NINJ2: variants seen among roughly 807,000 people sequenced by gnomAD.
NINJ2 encodes ninjurin 2, also known as ninjurin-2.
Under a neutral mutation model 11.7 loss-of-function variants are expected in NINJ2, and 12 were observed. The observed-to-expected ratio is 1.02, with a 90% CI of 0.66 to 1.66. NINJ2 has a LOEUF of 1.66. Ranked by LOEUF, NINJ2 falls within the 40% of genes most tolerant of loss-of-function variation. The pLI, the probability that NINJ2 is intolerant of heterozygous loss-of-function variation, is 0.00. For missense variants in NINJ2, 187 were observed against 181.8 expected (o/e 1.03, Z -0.16); for synonymous variants, 93 against 76.8 (o/e 1.21, Z -1.10).
intron 1 of NINJ2, among the ~76,000 whole-genome samples, chr12:603,494 C>T (rs1030550656): frequency 5.9e-5 from 9 of 152,150 alleles, no homozygotes; most frequent in South Asian, 2.1e-4. Context: ...TCCTGCATGA[C>T]GGTTTACTTA....
intron 1 of NINJ2, among the ~76,000 whole-genome samples, chr12:593,270 C>G (rs950467892): frequency 6.6e-6 from 1 of 152,120 alleles, no homozygotes; most frequent in African/African-American, 2.4e-5. Context: ...AATAAGAAGG[C>G]AAGAATTTCC....
chr12:571,430 T>C (rs1470665029), intron 1 of NINJ2, among the ~76,000 whole-genome samples: 2 of 149,764 alleles, frequency 1.3e-5, no homozygotes, highest in Non-Finnish European at 1.5e-5. Context: ...GTTTGGTGAT[T>C]GGCATGGGAT....
At chr12:568,359 C>T (rs1248041888) in intron 1 of NINJ2, among the ~76,000 whole-genome samples, 1 of 152,194 alleles carries the variant, frequency 6.6e-6, no homozygotes, top group Non-Finnish European at 1.5e-5. Context: ...CTTCCCCAGT[C>T]CTTCTCCTAA....
At chr12:603,982 G>A (rs1247929545) in intron 1 of NINJ2, among the ~76,000 whole-genome samples, 1 of 152,136 alleles carries the variant, frequency 6.6e-6, no homozygotes, top group African/African-American at 2.4e-5. Context: ...TCTTTCCCCC[G>A]CTGAGTCGTC....
intron 1 of NINJ2, among the ~76,000 whole-genome samples, chr12:659,340 G>A (rs891980600): frequency 6.6e-6 from 1 of 152,130 alleles, no homozygotes; most frequent in Non-Finnish European, 1.5e-5. Context: ...CCAATAACTG[G>A]ATCTGCCTGG....
intron 1 of NINJ2, among the ~76,000 whole-genome samples, chr12:660,973 A>G (rs2120553374): frequency 6.6e-6 from 1 of 152,336 alleles, no homozygotes; most frequent in African/African-American, 2.4e-5. Context: ...AAAAAACTGT[A>G]AAAATAAACA....
chr12:565,974 T>A lies in NINJ2; in HGVS notation c.238A>T (p.Ile80Phe), dbSNP rs752337352. The A allele has an allele frequency of 1.9e-6, 3 of 1,614,222 alleles. No homozygotes were observed. In the Admixed American group the frequency reaches 5.0e-5, roughly 27 times the overall value. The change falls in exon 2 of 4, where the codon ATC becomes TTC. Residue 80 changes from isoleucine to phenylalanine, a missense_variant. Ile to Phe is a conservative substitution (Grantham distance 21). Transcript: ENST00000305108. The part of the protein sequence containing the change: ...ISLSLLLQVV[I>F]GVLLVVIARL... ...CCAATGACCACGAGCAGGACACCGATGACCACCTGCAGGAGCAGAGAGAGG... is the reference window on the plus strand; with the variant it reads ...CCAATGACCACGAGCAGGACACCGAAGACCACCTGCAGGAGCAGAGAGAGG...
At chr12:607,428 T>G (rs1489133290) in intron 1 of NINJ2, among the ~76,000 whole-genome samples, 1 of 152,190 alleles carries the variant, frequency 6.6e-6, no homozygotes, top group Non-Finnish European at 1.5e-5. Flanking sequence ...AAAGAGTTCC[T>G]GGGACCATGG....
chr12:654,594 C>A (rs1314920288), intron 1 of NINJ2, among the ~76,000 whole-genome samples: 1 of 149,912 alleles, frequency 6.7e-6, no homozygotes, highest in Non-Finnish European at 1.5e-5. Flanking sequence ...ACTGGTTCAA[C>A]ATTTGAAAAT....
At chr12:646,414 G>A (rs899082840) in intron 1 of NINJ2, among the ~76,000 whole-genome samples, 1 of 152,168 alleles carries the variant, frequency 6.6e-6, no homozygotes, top group Non-Finnish European at 1.5e-5. Flanking sequence ...CATTTACAGA[G>A]ACTCCTTTGC....
rs569705759 is a variant in NINJ2 at position 633,961 on chromosome 12, A to G, written c.33+29367T>C. ...CACACACACCGTCTGATCTGGTCAG[A>G]AAGGCCTTTGCACTGTCCCAGATAG... On this transcript the variant is annotated intron_variant, in intron 1 of 3. Coordinates refer to ENST00000305108, the MANE Select transcript of NINJ2 (RefSeq NM_016533.6). The surrounding 1 kb of genome is among the most constrained non-coding windows in gnomAD (Gnocchi z 4.3). 1.3e-5 allele frequency among the ~76,000 whole-genome samples: 2 copies of G among 152,124 alleles called. No individual in the cohort carries two copies. The highest frequency in any genetic ancestry group is 2.9e-5 in the Non-Finnish European group (2 of 68,034).
chr12:611,084 A>G (rs1000470463), intron 1 of NINJ2, among the ~76,000 whole-genome samples: 4 of 152,166 alleles, frequency 2.6e-5, no homozygotes, highest in African/African-American at 4.8e-5. Flanking sequence ...CAGTTCTGCA[A>G]TCTGTCCCAA....
At chr12:596,524 CT>C (rs1947788588) in intron 1 of NINJ2, among the ~76,000 whole-genome samples, 1 of 152,048 alleles carries the variant, frequency 6.6e-6, no homozygotes, top group African/African-American at 2.4e-5. Flanking sequence ...ATGAATTTCG[CT>C]GTGAATTTTA....
chr12:650,799 G>A lies in NINJ2; in HGVS notation c.33+12529C>T, dbSNP rs980851098. On this transcript the variant is annotated intron_variant, in intron 1 of 3. Transcript: ENST00000305108. ...TTCTGGTTTCTGATTCTGCATGTAAGGCACTTGGAATTAGCCACTCTATCC... is the reference window on the plus strand; with the variant it reads ...TTCTGGTTTCTGATTCTGCATGTAAAGCACTTGGAATTAGCCACTCTATCC... 3.3e-5 allele frequency among the ~76,000 whole-genome samples: 5 copies of A among 152,182 alleles called. No homozygotes were observed. The East Asian group carries it at 7.7e-4, about 23-fold the overall frequency.
At chr12:649,552 T>TATATATATATATATATATATAG (rs1381192648) in intron 1 of NINJ2, among the ~76,000 whole-genome samples, 1 of 147,706 alleles carries the variant, frequency 6.8e-6, no homozygotes, top group Non-Finnish European at 1.5e-5. Context: ...TATATATATA[T>TATATATATATATATATATATAG]AGTAGCCCAT....
intron 1 of NINJ2, among the ~76,000 whole-genome samples, chr12:574,229 A>C (rs1947419981): frequency 6.6e-6 from 1 of 152,142 alleles, no homozygotes; most frequent in South Asian, 2.1e-4. Context: ...TCTCTAAAAT[A>C]AATAAATAAA....
At chr12:594,705 T>C (rs12317273) in intron 1 of NINJ2, among the ~76,000 whole-genome samples, 13,086 of 152,254 alleles carry the variant, frequency 0.086, 722 homozygotes, top group African/African-American at 0.16. Flanking sequence ...AGAGCTATTC[T>C]ATGTTCATGA....
intron 1 of NINJ2, among the ~76,000 whole-genome samples, chr12:661,711 C>A (rs1457047949): frequency 6.6e-6 from 1 of 152,204 alleles, no homozygotes. Context: ...CCTTAACAAC[C>A]AAGGATCTTA....
intron 1 of NINJ2, among the ~76,000 whole-genome samples, chr12:599,414 G>C (rs1205763436): frequency 6.6e-6 from 1 of 152,080 alleles, no homozygotes; most frequent in Non-Finnish European, 1.5e-5. Flanking sequence ...ATTTGTCAGT[G>C]GATAAGAAAT....
Sources: gnomAD v4.1 joint callset for allele counts (sites outside exome capture counted in the v4.1 genomes callset) on GRCh38, gnomAD v4.1.1 for gene constraint, Gnocchi (gnomAD v3.1) non-coding constraint, MANE v1.5 for transcripts, NCBI Gene and HGNC (gene_info 2026-07-23, HGNC 2026-07-21) for gene names.